PCNT: variants seen among roughly 807,000 people sequenced by gnomAD.
The protein encoded by PCNT is kendrin.
PCNT carries 319 observed loss-of-function variants against 380.4 expected under a neutral mutation model. The observed-to-expected ratio is 0.84, with a 90% CI of 0.77 to 0.92. The LOEUF (loss-of-function observed/expected upper bound fraction) is 0.92, where lower values mean the gene tolerates loss of function less well. PCNT is among the 40% of genes least tolerant of loss of function. The pLI is 0.00. For missense variants in PCNT, 4,400 were observed against 4,255.3 expected (o/e 1.03, Z -0.95); for synonymous variants, 1,845 against 1,735.2 (o/e 1.06, Z -1.57).
At chr21:46,438,140 C>G in intron 40 of PCNT, 24 bp from the exon 41 acceptor site, 1 of 1,598,856 alleles carries the variant, frequency 6.3e-7, no homozygotes, top group Non-Finnish European at 8.6e-7. Context: ...CAAATTCTTA[C>G]AAATTTATTT....
At position 46,408,255 on chromosome 21, in the gene PCNT, A is replaced by C. The variant is rs142932612; in HGVS notation, c.5116-2934A>C. On this transcript the variant is annotated intron_variant, in intron 27 of 46. Coordinates refer to ENST00000359568, the MANE Select transcript of PCNT (RefSeq NM_006031.6). The stretch of plus-strand genomic sequence containing the variant: ...CCTGTGTCTGTTCCTTTAGTTGCTG[A>C]GTACTGTTGTCTGGATGGACCACAG... Among the ~76,000 whole-genome samples, 6 of 152,274 alleles carry C rather than the reference A, an allele frequency of 3.9e-5. No homozygotes were observed. In the East Asian group the frequency reaches 1.2e-3, roughly 29 times the overall value.
At chr21:46,378,483 G>A (rs1212630451) in intron 15 of PCNT, among the ~76,000 whole-genome samples, 2 of 152,182 alleles carry the variant, frequency 1.3e-5, no homozygotes, top group Non-Finnish European at 2.9e-5. Flanking sequence ...TCTGATCACC[G>A]AGATGCCTGC....
chr21:46,444,496 C>T (rs2053697978), intron 45 of PCNT, among the ~76,000 whole-genome samples, 198 bp from the exon 46 acceptor site: 1 of 152,114 alleles, frequency 6.6e-6, no homozygotes, highest in South Asian at 2.1e-4. Flanking sequence ...GAACATTGCA[C>T]AGAAGCTTTT....
chr21:46,373,715 G>A (rs1340233216), intron 15 of PCNT, among the ~76,000 whole-genome samples: 3 of 140,576 alleles, frequency 2.1e-5, no homozygotes, highest in Non-Finnish European at 3.0e-5. Flanking sequence ...GTGAGCCACC[G>A]CGCCCAGCCT....
At chr21:46,444,990 A>G (rs1371678685) in intron 46 of PCNT, among the ~76,000 whole-genome samples, 169 bp downstream of exon 46, 1 of 152,242 alleles carries the variant, frequency 6.6e-6, no homozygotes, top group Non-Finnish European at 1.5e-5. Flanking sequence ...AGAATCTCAC[A>G]GAAGTCTAAG....
At chr21:46,438,130 C>T (rs778688408) in intron 40 of PCNT, 34 bp from the exon 41 acceptor site, 1 of 1,575,950 alleles carries the variant, frequency 6.3e-7, no homozygotes, top group Admixed American at 1.7e-5. Flanking sequence ...CCTTTAACAA[C>T]AAATTCTTAC....
At chr21:46,402,275 T>C in intron 26 of PCNT, 56 bp from the exon 27 acceptor site, 3 of 1,179,348 alleles carry the variant, frequency 2.5e-6, no homozygotes, top group East Asian at 2.6e-5. Context: ...TAATTATTAA[T>C]ATTAATAGAA....
At chr21:46,346,494 C>T (rs2084071713) in intron 4 of PCNT, among the ~76,000 whole-genome samples, 1 of 152,200 alleles carries the variant, frequency 6.6e-6, no homozygotes, top group South Asian at 2.1e-4. Context: ...ACACACAGTG[C>T]CGTCATACAG....
rs1275241485 is a variant in PCNT, at chr21:46,430,153, G to A, written c.7834G>A (p.Asp2612Asn). Reference protein sequence around the residue: ...EQTVVRDLKSDLCESRQKSEQ... With the variant: ...EQTVVRDLKSNLCESRQKSEQ... Reference sequence around the variant, plus strand: ...GACTGTAGTGCGAGATTTGAAGTCCGACCTCTGTGAGAGCAGGCAGAAGAG... The same window carrying A: ...GACTGTAGTGCGAGATTTGAAGTCCAACCTCTGTGAGAGCAGGCAGAAGAG... Residue 2612 changes from aspartate to asparagine, a missense_variant, in exon 36 of 47, where the codon GAC becomes AAC. Physicochemically the swap from Asp to Asn is conservative, Grantham distance 23. Transcript: ENST00000359568. 2 of 1,614,198 alleles carry A rather than the reference G, an allele frequency of 1.2e-6. No homozygotes were observed. The highest frequency in any genetic ancestry group is 2.2e-5 in the East Asian group (1 of 44,884).
intron 32 of PCNT, among the ~76,000 whole-genome samples, chr21:46,424,130 C>G (rs1216434470): frequency 6.6e-6 from 1 of 152,188 alleles, no homozygotes; most frequent in Admixed American, 6.5e-5. Flanking sequence ...CAGATGCAGC[C>G]ACAGACGCCA....
At chr21:46,400,763 GC>G (rs2086396625) in intron 25 of PCNT, among the ~76,000 whole-genome samples, 1 of 152,098 alleles carries the variant, frequency 6.6e-6, no homozygotes, top group Admixed American at 6.5e-5. Context: ...CAGGTGATCT[GC>G]CCGCCTTGGC....
rs1055380574 is a variant in PCNT at position 46,445,663 on chromosome 21, T to C, written c.*336T>C. 2 of 318,210 alleles carry C rather than the reference T, an allele frequency of 6.3e-6. No individual in the cohort carries two copies. Among genetic ancestry groups the C allele is most frequent in the African/African-American group, 4.2e-5 (2 of 47,340 alleles). The allele number at this position is 318,210 out of a possible 1,614,324, so 19.7% of individuals were successfully genotyped here. A position where few individuals can be genotyped will look rare whatever the true frequency, so the allele number is the denominator to read the frequency against. On this transcript the variant is annotated 3_prime_UTR_variant, in exon 47 of 47. Coordinates refer to ENST00000359568, the MANE Select transcript of PCNT (RefSeq NM_006031.6). ...AGGATACACAGAGAATGGCTTCCTG[T>C]TGTTTTGTTTATTTTCTTAACGTGT... is the stretch of plus-strand genomic sequence containing the variant.
Position 46,391,192 on chromosome 21 carries a change from A to G in PCNT, c.4032A>G (p.Thr1344=). The part of the protein sequence containing the change: ...QGTLEGFKVE[T]ADLKEVLAGK... ...CCCTTGAGGGATTCAAGGTGGAGAC[A>G]GCAGATCTGAAGGAGGTGCTGGCCG... The change falls in exon 21 of 47, where the codon ACA becomes ACG. Residue 1344 remains threonine, a synonymous_variant. Coordinates refer to ENST00000359568, the MANE Select transcript of PCNT (RefSeq NM_006031.6). 1 of 1,607,192 alleles carries G rather than the reference A, an allele frequency of 6.2e-7. No homozygotes were observed. The highest frequency in any genetic ancestry group is 8.5e-7 in the Non-Finnish European group (1 of 1,177,120).
intron 27 of PCNT, among the ~76,000 whole-genome samples, chr21:46,403,428 A>G (rs1326752058): frequency 5.7e-5 from 8 of 140,172 alleles, no homozygotes; most frequent in African/African-American, 1.9e-4. Context: ...GAATGAACAC[A>G]GCGTGGGAGA....
At chr21:46,382,194 T>C (rs2085576631) in intron 16 of PCNT, among the ~76,000 whole-genome samples, 1 of 141,342 alleles carries the variant, frequency 7.1e-6, no homozygotes, top group South Asian at 2.5e-4. Flanking sequence ...GCATTCATAG[T>C]GTAGATTCAG....
chr21:46,440,838 T>C lies in PCNT; in HGVS notation c.9394-17T>C, dbSNP rs2053589919. The C allele has an allele frequency of 6.7e-7, 1 of 1,485,154 alleles. No individual in the cohort carries two copies. Among genetic ancestry groups the C allele is most frequent in the Non-Finnish European group, 9.4e-7 (1 of 1,062,748 alleles). 92.0% of individuals were successfully genotyped at this position (1,485,154 alleles called of 1,614,324 possible). On this transcript the variant is annotated splice_polypyrimidine_tract_variant and intron_variant, in intron 42 of 46. Transcript: ENST00000359568. The stretch of plus-strand genomic sequence containing the variant: ...TTTGTTTCCTATGATAAAATTTTAC[T>C]GCTTTTTTTCTTTTAGATGGAAAAA...
chr21:46,359,295 GCCA>G (rs1238508114), intron 13 of PCNT, among the ~76,000 whole-genome samples: 2 of 144,654 alleles, frequency 1.4e-5, no homozygotes, highest in East Asian at 3.9e-4. Context: ...CTTTTCACAG[GCCA>G]CCATTTTACC....
chr21:46,385,219 G>A (rs1242135309), intron 16 of PCNT, among the ~76,000 whole-genome samples: 2 of 152,128 alleles, frequency 1.3e-5, no homozygotes, highest in African/African-American at 2.4e-5. Flanking sequence ...AGCCGTGTGT[G>A]GTGGCACGCA....
intron 3 of PCNT, among the ~76,000 whole-genome samples, chr21:46,340,894 G>A (rs924457402): frequency 4.6e-5 from 7 of 151,446 alleles, no homozygotes; most frequent in Middle Eastern, 3.4e-3. Context: ...GGCTGGTCTC[G>A]AACTCTTGAG....
Sources: gnomAD v4.1 joint callset for allele counts (sites outside exome capture counted in the v4.1 genomes callset) on GRCh38, gnomAD v4.1.1 for gene constraint, MANE v1.5 for transcripts, NCBI Gene and HGNC (gene_info 2026-07-23, HGNC 2026-07-21) for gene names.